The following HCN1 variants were observed in gnomAD, a reference collection of about 807,000 sequenced individuals.
The protein encoded by HCN1 is hyperpolarization activated cyclic nucleotide gated potassium channel 1.
In HCN1, 13 loss-of-function variants were observed where a neutral mutation model predicts 78.9. The observed-to-expected ratio is 0.16, with a 90% CI of 0.11 to 0.26. The LOEUF is 0.26. Ranked by LOEUF, HCN1 falls within the 10% of genes least tolerant of loss-of-function variation. HCN1 has a pLI of 1.00. For missense variants in HCN1, 810 were observed against 1,154.3 expected, an observed-to-expected ratio of 0.70 and a Z score of 4.32; for synonymous variants, 552 against 455.5, an observed-to-expected ratio of 1.21 and a Z score of -2.70.
chr5:45,350,929 T>C (rs1487125369), intron 5 of HCN1, among the ~76,000 whole-genome samples: 4 of 152,020 alleles, frequency 2.6e-5, no homozygotes, highest in African/African-American at 9.7e-5. Flanking sequence ...AGAATCAATA[T>C]CGTGAAAATG....
intron 2 of HCN1, among the ~76,000 whole-genome samples, chr5:45,542,058 A>G (rs1194822885): frequency 6.6e-6 from 1 of 152,146 alleles, no homozygotes; most frequent in Non-Finnish European, 1.5e-5. Flanking sequence ...ATTTTTCTAT[A>G]ATTCCACTCA....
At chr5:45,615,148 A>T in intron 2 of HCN1, among the ~76,000 whole-genome samples, 1 of 152,068 alleles carries the variant, frequency 6.6e-6, no homozygotes, top group Non-Finnish European at 1.5e-5. Context: ...TGATATAAAT[A>T]ACAATGAGTA....
chr5:45,449,333 T>C (rs1740863364), intron 3 of HCN1, among the ~76,000 whole-genome samples: 1 of 152,150 alleles, frequency 6.6e-6, no homozygotes, highest in East Asian at 1.9e-4. Context: ...ATACCACTTC[T>C]CATATTTTGT....
intron 4 of HCN1, among the ~76,000 whole-genome samples, chr5:45,362,810 C>G (rs181954530): frequency 6.6e-6 from 1 of 152,104 alleles, no homozygotes; most frequent in East Asian, 1.9e-4. Flanking sequence ...TTATTTGCTG[C>G]ATGACATTCT....
At chr5:45,539,817 TATAC>T (rs1390654313) in intron 2 of HCN1, among the ~76,000 whole-genome samples, 1 of 147,296 alleles carries the variant, frequency 6.8e-6, no homozygotes, top group Non-Finnish European at 1.5e-5. Flanking sequence ...TATGCACACA[TATAC>T]ATACATACAT....
chr5:45,396,990 A>T (rs1374914096), intron 3 of HCN1, among the ~76,000 whole-genome samples: 1 of 152,198 alleles, frequency 6.6e-6, no homozygotes, highest in Non-Finnish European at 1.5e-5. Context: ...GGACAATGGT[A>T]TGCCATGTAA....
intron 3 of HCN1, among the ~76,000 whole-genome samples, chr5:45,437,890 G>A (rs1740587800): frequency 6.6e-6 from 1 of 152,138 alleles, no homozygotes; most frequent in South Asian, 2.1e-4. Context: ...AGTCAGATAG[G>A]AATGCTTCAT....
At chr5:45,611,198 G>A (rs925939744) in intron 2 of HCN1, among the ~76,000 whole-genome samples, 12 of 148,814 alleles carry the variant, frequency 8.1e-5, no homozygotes, top group Non-Finnish European at 1.5e-4. Context: ...CAACAGGGAC[G>A]CATCACCACA....
chr5:45,452,581 C>T (rs1244434381), intron 3 of HCN1, among the ~76,000 whole-genome samples: 1 of 151,838 alleles, frequency 6.6e-6, no homozygotes, highest in Non-Finnish European at 1.5e-5. Context: ...AAGTAGGCCT[C>T]ACTGTCTGTT....
At chr5:45,478,924 C>T (rs774477664) in intron 2 of HCN1, among the ~76,000 whole-genome samples, 14 of 152,042 alleles carry the variant, frequency 9.2e-5, no homozygotes, top group Non-Finnish European at 1.8e-4. Context: ...AAGTTCAAGA[C>T]CAGCCTGGCC....
chr5:45,376,071 T>C (rs1561132148), intron 4 of HCN1, among the ~76,000 whole-genome samples: 2 of 111,414 alleles, frequency 1.8e-5, no homozygotes, highest in African/African-American at 7.5e-5. Context: ...ATATAATATG[T>C]TATAATATAT....
chr5:45,387,260 C>A (rs1747940683), intron 4 of HCN1, among the ~76,000 whole-genome samples: 1 of 151,944 alleles, frequency 6.6e-6, no homozygotes, highest in Non-Finnish European at 1.5e-5. Flanking sequence ...AACATTTTGA[C>A]TTCAGAAAGT....
intron 1 of HCN1, among the ~76,000 whole-genome samples, chr5:45,664,832 C>G (rs1415324887): frequency 6.6e-6 from 1 of 151,924 alleles, no homozygotes; most frequent in Non-Finnish European, 1.5e-5. Context: ...GAAATAGGAA[C>G]ACTTTTACAC....
intron 3 of HCN1, among the ~76,000 whole-genome samples, chr5:45,419,870 C>T (rs1740192542): frequency 6.6e-6 from 1 of 152,190 alleles, no homozygotes; most frequent in Non-Finnish European, 1.5e-5. Flanking sequence ...CCCAACATTC[C>T]ACCCACAACT....
At chr5:45,591,299 T>C (rs2878988) in intron 2 of HCN1, among the ~76,000 whole-genome samples, 9,890 of 152,172 alleles carry the variant, frequency 0.065, 398 homozygotes, top group East Asian at 0.15. Context: ...GGGATAGGAT[T>C]GCTGGATCCT....
chr5:45,679,193 T>C (rs1739656071), intron 1 of HCN1, among the ~76,000 whole-genome samples: 1 of 152,064 alleles, frequency 6.6e-6, no homozygotes, highest in Non-Finnish European at 1.5e-5. Context: ...TCTCCATTTA[T>C]AAGCTATCAT....
Position 45,267,144 on chromosome 5 carries a change from A to G in HCN1, c.1728T>C (p.Tyr576=). The change falls in exon 7 of 8, where the codon TAT becomes TAC. Residue 576 remains tyrosine (Y), a synonymous_variant. Coordinates refer to ENST00000303230, the MANE Select transcript of HCN1 (RefSeq NM_021072.4). Reference sequence around the variant, plus strand: ...TCTCAAAGGCTCTCCTCATCATTGGATATTCCTCCAGGACCTCGTTGAAAT... The same window carrying G: ...TCTCAAAGGCTCTCCTCATCATTGGGTATTCCTCCAGGACCTCGTTGAAAT... ...VDNFNEVLEE[Y]PMMRRAFETV... The G allele has an allele frequency of 1.2e-6, 2 of 1,613,960 alleles. No individual in the cohort carries two copies. Among genetic ancestry groups the G allele is most frequent in the Non-Finnish European group, 1.7e-6 (2 of 1,179,854 alleles).
intron 3 of HCN1, among the ~76,000 whole-genome samples, chr5:45,434,908 A>G (rs1740533452): frequency 6.6e-6 from 1 of 152,110 alleles, no homozygotes; most frequent in Non-Finnish European, 1.5e-5. Flanking sequence ...GATCATCCAA[A>G]AGAGCCAATA....
chr5:45,631,236 G>C (rs1165426645), intron 2 of HCN1, among the ~76,000 whole-genome samples: 1 of 152,178 alleles, frequency 6.6e-6, no homozygotes, highest in African/African-American at 2.4e-5. Flanking sequence ...TCAGTTCTCT[G>C]ACTCCCAGTT....
Sources: gnomAD v4.1 joint callset for allele counts (sites outside exome capture counted in the v4.1 genomes callset) on GRCh38, gnomAD v4.1.1 for gene constraint, MANE v1.5 for transcripts, NCBI Gene and HGNC (gene_info 2026-07-23, HGNC 2026-07-21) for gene names.